PARD3: variants seen among roughly 807,000 people sequenced by gnomAD.
The protein encoded by PARD3 is partitioning defective 3 homolog.
A neutral mutation model predicts 155.4 loss-of-function variants in PARD3; 75 were observed. The observed-to-expected ratio is 0.48, with a 90% CI of 0.40 to 0.58. PARD3 has a LOEUF of 0.58. PARD3 is among the 20% of genes least tolerant of loss of function. The pLI, the probability that PARD3 is intolerant of heterozygous loss-of-function variation, is 0.00. For missense variants in PARD3, 1,642 were observed against 1,721.7 expected, an observed-to-expected ratio of 0.95 and a Z score of 0.82; for synonymous variants, 576 against 610.5, an observed-to-expected ratio of 0.94 and a Z score of 0.83.
chr10:34,287,395 C>T (rs544677962), intron 20 of PARD3, among the ~76,000 whole-genome samples: 79 of 151,732 alleles, frequency 5.2e-4, no homozygotes, highest in Admixed American at 1.2e-3. Context: ...TTCCTACATC[C>T]CAAAAGATAG....
At chr10:34,261,730 A>AAGAG (rs1954983129) in intron 22 of PARD3, among the ~76,000 whole-genome samples, 1 of 48,622 alleles carries the variant, frequency 2.1e-5, no homozygotes, top group African/African-American at 5.6e-4. Flanking sequence ...GGAAGAAAGG[A>AAGAG]AGGAAGAAAG....
intron 2 of PARD3, among the ~76,000 whole-genome samples, chr10:34,564,318 A>G (rs139123278): frequency 9.2e-5 from 14 of 152,340 alleles, no homozygotes; most frequent in African/African-American, 3.1e-4. Flanking sequence ...ATGCAACAAG[A>G]CAAGGCTGGC....
At chr10:34,414,282 T>C (rs1246224957) in intron 5 of PARD3, among the ~76,000 whole-genome samples, 1 of 151,854 alleles carries the variant, frequency 6.6e-6, no homozygotes, top group African/African-American at 2.4e-5. Flanking sequence ...ACAAATCATA[T>C]TTAAAAAATA....
chr10:34,366,375 T>G (rs1232944543), intron 12 of PARD3, among the ~76,000 whole-genome samples: 1 of 152,200 alleles, frequency 6.6e-6, no homozygotes, highest in Non-Finnish European at 1.5e-5. Context: ...CGTTGTAGGT[T>G]AGGTGTATAA....
intron 5 of PARD3, among the ~76,000 whole-genome samples, chr10:34,441,876 T>G (rs1156850368): frequency 6.6e-6 from 1 of 152,208 alleles, no homozygotes; most frequent in Non-Finnish European, 1.5e-5. Flanking sequence ...CGTTAATATA[T>G]CCAGGTAACA....
intron 8 of PARD3, 74 bp downstream of exon 8, chr10:34,384,055 G>C: frequency 6.9e-7 from 1 of 1,443,914 alleles, no homozygotes; most frequent in Non-Finnish European, 9.6e-7. Context: ...AGACATGTTT[G>C]AAGCATTTCA....
intron 22 of PARD3, among the ~76,000 whole-genome samples, chr10:34,179,535 C>T (rs562509432): frequency 2.6e-5 from 4 of 152,108 alleles, no homozygotes; most frequent in African/African-American, 4.8e-5. Flanking sequence ...TCCAGAAAAT[C>T]GCTGTAACAA....
intron 22 of PARD3, among the ~76,000 whole-genome samples, chr10:34,253,031 G>T (rs186969558): frequency 6.6e-6 from 1 of 152,280 alleles, no homozygotes; most frequent in African/African-American, 2.4e-5. Flanking sequence ...ATAAAAGCTG[G>T]AAATCTTATT....
chr10:34,634,629 A>C (rs546583301), intron 2 of PARD3, among the ~76,000 whole-genome samples: 6 of 151,904 alleles, frequency 3.9e-5, no homozygotes, highest in Non-Finnish European at 7.3e-5. Flanking sequence ...AAACAAAAAC[A>C]GGGCAAAAAA....
intron 5 of PARD3, among the ~76,000 whole-genome samples, chr10:34,442,712 A>G (rs946387103): frequency 6.6e-6 from 1 of 152,030 alleles, no homozygotes; most frequent in East Asian, 1.9e-4. Flanking sequence ...GTACAAAAAA[A>G]TTTTTTTAAT....
chr10:34,111,313 G>A lies in PARD3; in HGVS notation c.3918C>T (p.Asn1306=). The change falls in exon 25 of 25, where the codon AAC becomes AAT. Residue 1306 remains asparagine, a synonymous_variant. Coordinates refer to ENST00000374788, the MANE Select transcript of PARD3 (RefSeq NM_001184785.2). The stretch of plus-strand genomic sequence containing the variant: ...CCTGGACTTTCTTATACGAGTCATA[G>A]TTGCTGGGCCCCTCGGAAGGAGGCT... ...KKQPPSEGPS[N]YDSYKKVQDP... 1 of 1,614,030 alleles carries A rather than the reference G, an allele frequency of 6.2e-7. No homozygotes were observed.
intron 22 of PARD3, among the ~76,000 whole-genome samples, chr10:34,161,629 G>A (rs1035235246): frequency 5.3e-5 from 8 of 152,186 alleles, no homozygotes; most frequent in East Asian, 1.9e-4. Context: ...GCACCATGAC[G>A]GTTGACAATC....
intron 3 of PARD3, among the ~76,000 whole-genome samples, chr10:34,511,726 T>C (rs1259605343): frequency 2.0e-5 from 3 of 152,176 alleles, no homozygotes; most frequent in African/African-American, 4.8e-5. Context: ...ATACACAGAA[T>C]AGATTTCTTT....
intron 22 of PARD3, among the ~76,000 whole-genome samples, chr10:34,258,321 G>A (rs544742709): frequency 2.6e-5 from 4 of 152,252 alleles, no homozygotes; most frequent in African/African-American, 9.6e-5. Context: ...TCCATGGGCC[G>A]CACGACAGAA....
At chr10:34,413,358 A>G (rs903056730) in intron 5 of PARD3, among the ~76,000 whole-genome samples, 2 of 152,072 alleles carry the variant, frequency 1.3e-5, no homozygotes, top group African/African-American at 4.8e-5. Flanking sequence ...AAAGACAAGG[A>G]AAGTGGGTTC....
At chr10:34,813,037 C>T (rs1442968847) in intron 1 of PARD3, among the ~76,000 whole-genome samples, 1 of 152,136 alleles carries the variant, frequency 6.6e-6, no homozygotes, top group Non-Finnish European at 1.5e-5. Flanking sequence ...TTCTCACAGC[C>T]AGTGGGTCCC....
At chr10:34,446,634 C>T (rs914144244) in intron 5 of PARD3, among the ~76,000 whole-genome samples, 2 of 152,038 alleles carry the variant, frequency 1.3e-5, no homozygotes, top group Non-Finnish European at 2.9e-5. Context: ...TTTAAAAATC[C>T]GAATTATGTT....
chr10:34,587,624 A>G (rs1255244077), intron 2 of PARD3, among the ~76,000 whole-genome samples: 8 of 152,154 alleles, frequency 5.3e-5, no homozygotes, highest in African/African-American at 1.9e-4. Flanking sequence ...TATTATAATC[A>G]CTGTGGTGTT....
At chr10:34,311,026 A>G (rs926424433) in intron 20 of PARD3, among the ~76,000 whole-genome samples, 2 of 152,242 alleles carry the variant, frequency 1.3e-5, no homozygotes, top group African/African-American at 2.4e-5. Context: ...ACCAATGTGA[A>G]ACTGGTCACA....
Sources: allele counts gnomAD v4.1 joint callset (sites outside exome capture counted in the v4.1 genomes callset), GRCh38; gene constraint gnomAD v4.1.1; transcripts MANE v1.5; gene names NCBI Gene and HGNC (gene_info 2026-07-23, HGNC 2026-07-21).